KCNC4: variants seen among roughly 807,000 people sequenced by gnomAD.
KCNC4 encodes voltage-gated potassium channel KCNC4.
A neutral mutation model predicts 42.8 loss-of-function variants in KCNC4; 23 were observed. That is an observed-to-expected ratio of 0.54 (90% CI 0.39 to 0.76). The LOEUF is 0.76. KCNC4 is among the 30% of genes least tolerant of loss of function. The pLI is 0.00. For synonymous variants in KCNC4, 422 were observed against 393.5 expected, an observed-to-expected ratio of 1.07 and a Z score of -0.86; for missense variants, 751 against 898.2, an observed-to-expected ratio of 0.84 and a Z score of 2.10.
chr1:110,259,532 A>C (rs560594998), intron 1 of KCNC4, among the ~76,000 whole-genome samples: 1 of 152,298 alleles, frequency 6.6e-6, no homozygotes, highest in Admixed American at 6.5e-5. Context: ...TGGACCTTGA[A>C]ATGTAGGTTC....
At chr1:110,227,153 G>T (rs796560679) in intron 3 of KCNC4, among the ~76,000 whole-genome samples, 5 of 152,248 alleles carry the variant, frequency 3.3e-5, no homozygotes, top group African/African-American at 1.2e-4. Context: ...TAACCAGCTG[G>T]ATTTCCCATC....
At chr1:110,224,270 A>G (rs977294694) in intron 2 of KCNC4, 1 of 207,380 alleles carries the variant, frequency 4.8e-6, no homozygotes, top group Non-Finnish European at 9.7e-6. Flanking sequence ...ATCATATCCT[A>G]CCCTCAAGAC....
chr1:110,265,873 C>T (rs1038797722), intron 1 of KCNC4, among the ~76,000 whole-genome samples: 3 of 152,210 alleles, frequency 2.0e-5, no homozygotes, highest in African/African-American at 7.2e-5. Flanking sequence ...CACCTACCTT[C>T]CTACCTTGTT....
At position 110,223,377 on chromosome 1, in the gene KCNC4, C is replaced by T. The variant is rs116826506; in HGVS notation, c.1092C>T (p.Phe364=). 1,110 of 1,613,828 alleles carry T rather than the reference C, an allele frequency of 6.9e-4. 10 individuals are homozygous for T. In the African/African-American group the frequency reaches 0.013, roughly 19 times the overall value. Residue 364 remains phenylalanine, a synonymous_variant, in exon 2 of 4, where the codon TTC becomes TTT. Coordinates refer to ENST00000438661, the MANE Select transcript of KCNC4 (RefSeq NM_001039574.3). The surrounding 1 kb of genome is among the most constrained non-coding windows in gnomAD (Gnocchi z 7.5). ...ILRIFKLTRH[F]VGLRVLGHTL... ...GTATCTTCAAGCTCACACGCCACTT[C>T]GTGGGGCTACGCGTGCTGGGCCACA...
chr1:110,277,968 C>T (rs1001108189), intron 1 of KCNC4, among the ~76,000 whole-genome samples: 17 of 152,160 alleles, frequency 1.1e-4, no homozygotes, highest in South Asian at 8.3e-4. Flanking sequence ...GCGCAACTGG[C>T]GAAACCCCAT....
intron 3 of KCNC4, among the ~76,000 whole-genome samples, chr1:110,230,224 T>C (rs1658623732): frequency 6.6e-6 from 1 of 152,132 alleles, no homozygotes; most frequent in Non-Finnish European, 1.5e-5. Flanking sequence ...TCCCACTTGC[T>C]CTCAGAATGA....
intron 1 of KCNC4, among the ~76,000 whole-genome samples, chr1:110,271,285 G>A (rs1659629212): frequency 6.6e-6 from 1 of 152,172 alleles, no homozygotes; most frequent in African/African-American, 2.4e-5. Flanking sequence ...AGGTCAAGAA[G>A]AAAAGAGCAC....
At chr1:110,262,356 G>A (rs1450512873) in intron 1 of KCNC4, among the ~76,000 whole-genome samples, 1 of 152,198 alleles carries the variant, frequency 6.6e-6, no homozygotes, top group Non-Finnish European at 1.5e-5. Context: ...GCTGCACCCA[G>A]CCAACCTCTG....
At position 110,211,648 on chromosome 1, in the gene KCNC4, A is replaced by C. The variant is rs761468792; in HGVS notation, c.149A>C (p.Tyr50Ser). Residue 50 changes from tyrosine to serine, a missense_variant, in exon 1 of 4, where the codon TAC (tyrosine) becomes TCC (serine). Around this residue, in one of 4 missense-constraint regions of KCNC4, gnomAD observed 183 missense variants for 255.8 expected, o/e 0.72. Coordinates refer to ENST00000438661, the MANE Select transcript of KCNC4 (RefSeq NM_001039574.3). This position sits in a 1 kb window ranked among gnomAD's most constrained non-coding sequence, Gnocchi z 6.5. ...GTGGGCGGCACGCGACATGAGACCT[A>C]CCGCAGCACCCTGCGCACCCTACCG... ...INVGGTRHET[Y>S]RSTLRTLPGT... 1.2e-6 allele frequency: 2 copies of C among 1,613,548 alleles called. No individual in the cohort carries two copies. The highest frequency in any genetic ancestry group is 1.7e-6 in the Non-Finnish European group (2 of 1,179,870).
At chr1:110,256,344 A>T (rs1659329304) in intron 1 of KCNC4, among the ~76,000 whole-genome samples, 1 of 152,246 alleles carries the variant, frequency 6.6e-6, no homozygotes, top group Admixed American at 6.5e-5. Context: ...TCAGAGGGAT[A>T]TGAGCCCAAA....
Position 110,222,966 on chromosome 1 carries a change from A to G in KCNC4, c.681A>G (p.Val227=). 1 of 1,611,602 alleles carries G rather than the reference A, an allele frequency of 6.2e-7. No homozygotes were observed. The highest frequency in any genetic ancestry group is 8.5e-7 in the Non-Finnish European group (1 of 1,177,836). The change falls in exon 2 of 4, where the codon GTA becomes GTG. Residue 227 remains valine (V), a splice_region_variant and synonymous_variant. Transcript: ENST00000438661. ...CTGCTCTCCTCCCCTGCCCATAGGT[A>G]GTGGCCTTTGCCTCTCTCTTCTTCA... ...EDPYSSRAAR[V]VAFASLFFIL... is the part of the protein sequence containing the mutation.
chr1:110,229,469 G>A (rs1302236162), intron 3 of KCNC4, among the ~76,000 whole-genome samples: 8 of 152,108 alleles, frequency 5.3e-5, no homozygotes, highest in Admixed American at 1.3e-4. Flanking sequence ...TCTGCGCCCC[G>A]AGCTGCAGCA....
chr1:110,281,958 G>T (rs541830636), intron 1 of KCNC4, among the ~76,000 whole-genome samples: 1 of 152,182 alleles, frequency 6.6e-6, no homozygotes, highest in East Asian at 1.9e-4. Context: ...CCCAGGCTGC[G>T]CTGGCAGAGG....
chr1:110,265,232 C>T (rs1186680271), intron 1 of KCNC4, among the ~76,000 whole-genome samples: 1 of 151,898 alleles, frequency 6.6e-6, no homozygotes, highest in African/African-American at 2.4e-5. Context: ...AGAAAGATCT[C>T]GTTTATAGTG....
At position 110,274,562 on chromosome 1, in the gene KCNC4, C is replaced by G. The variant is rs188981320; in HGVS notation, n.31-7972C>G. Among the ~76,000 whole-genome samples the G allele has an allele frequency of 1.6e-4, 24 of 152,264 alleles. No individual in the cohort carries two copies. In the East Asian group the frequency reaches 4.6e-3, roughly 29 times the overall value. On this transcript the variant is annotated intron_variant and non_coding_transcript_variant, in intron 1 of 2. Transcript: ENST00000412512. The stretch of plus-strand genomic sequence containing the variant: ...AAGAGCCCAAATAGCCAAAGCAATC[C>G]TAAGCAAAAATAGCAAAGCTGGAGC...
intron 2 of KCNC4, 166 bp from the exon 3 acceptor site, chr1:110,225,809 C>T: frequency 1.6e-6 from 1 of 631,838 alleles, no homozygotes; most frequent in South Asian, 2.0e-5. Context: ...GCATCCCTGC[C>T]TTTTGCCCTC....
downstream of KCNC4, among the ~76,000 whole-genome samples, chr1:110,250,187 C>A (rs1371487983): frequency 6.6e-6 from 1 of 152,166 alleles, no homozygotes; most frequent in Non-Finnish European, 1.5e-5. Flanking sequence ...CATGACCAGG[C>A]CTCGCACACT....
At chr1:110,259,385 A>G (rs1318745421) in intron 1 of KCNC4, among the ~76,000 whole-genome samples, 4 of 152,220 alleles carry the variant, frequency 2.6e-5, no homozygotes, top group African/African-American at 9.6e-5. Flanking sequence ...ATTCATGAGA[A>G]GAGCCCAGAC....
At chr1:110,217,655 C>T (rs187252090) in intron 1 of KCNC4, among the ~76,000 whole-genome samples, 212 of 152,148 alleles carry the variant, frequency 1.4e-3, no homozygotes, top group Middle Eastern at 3.4e-3. Context: ...AGTGCTGGCT[C>T]GTCGGAGGGT....
Sources: allele counts gnomAD v4.1 joint callset (sites outside exome capture counted in the v4.1 genomes callset), GRCh38; gene constraint gnomAD v4.1.1; regional missense constraint gnomAD v4.1.1; non-coding constraint Gnocchi (gnomAD v3.1); transcripts MANE v1.5; gene names NCBI Gene and HGNC (gene_info 2026-07-23, HGNC 2026-07-21).